The following FOCAD variants were observed in gnomAD, a reference collection of about 807,000 sequenced individuals.
FOCAD encodes the protein focadhesin.
Under a neutral mutation model 225.6 loss-of-function variants are expected in FOCAD, and 198 were observed. The observed-to-expected ratio is 0.88, with a 90% confidence interval of 0.78 to 0.99. The LOEUF (loss-of-function observed/expected upper bound fraction) is 0.99. FOCAD is among the 50% of genes least tolerant of loss of function. The probability of loss-of-function intolerance (pLI) is 0.00; values close to 1 mark genes in which losing one functional copy is unlikely to be tolerated. For synonymous variants in FOCAD, 897 were observed against 755.0 expected, an observed-to-expected ratio of 1.19 and a Z score of -3.08; for missense variants, 2,713 against 2,123.6, an observed-to-expected ratio of 1.28 and a Z score of -5.46.
chr9:20,896,549 C>T (rs1299871610), intron 21 of FOCAD, among the ~76,000 whole-genome samples: 1 of 151,732 alleles, frequency 6.6e-6, no homozygotes, highest in South Asian at 2.1e-4. Flanking sequence ...TAGATACAGG[C>T]CTATTCAAAT....
intron 9 of FOCAD, among the ~76,000 whole-genome samples, chr9:20,781,407 G>A (rs1819347105): frequency 6.6e-6 from 1 of 152,178 alleles, no homozygotes; most frequent in Admixed American, 6.5e-5. Context: ...TGGTCTCTTA[G>A]CTCTGTTTGC....
intron 11 of FOCAD, among the ~76,000 whole-genome samples, chr9:20,805,755 G>A (rs1822371473): frequency 6.6e-6 from 1 of 152,126 alleles, no homozygotes; most frequent in Non-Finnish European, 1.5e-5. Flanking sequence ...ATGGGGGTTG[G>A]GAAGACGAAG....
upstream of FOCAD, among the ~76,000 whole-genome samples, chr9:20,682,148 TCCAAATC>T (rs554361383): frequency 7.9e-5 from 12 of 152,234 alleles, no homozygotes; most frequent in Non-Finnish European, 1.8e-4. Context: ...CTCACCATAT[TCCAAATC>T]TGCTGGCACC....
In FOCAD at chr9:20,946,766, A is replaced by G. The variant is rs554590726; in HGVS notation, c.3621A>G (p.Thr1207=). ...TCAGTGCTGGAATTATTGAGGCTAC[A>G]GAGGCTGAGGATGTTATGAACAAGC... ...SAFSAGIIEA[T]EAEDVMNKLR... The change falls in exon 30 of 44, where the codon ACA becomes ACG. Residue 1207 remains threonine (T), a synonymous_variant. Transcript: ENST00000338382. 12 of 1,613,882 alleles carry G rather than the reference A, an allele frequency of 7.4e-6. No homozygotes were observed. The highest frequency in any genetic ancestry group is 3.3e-4 in the Middle Eastern group (2 of 6,060).
chr9:20,866,973 T>C lies in FOCAD; in HGVS notation c.2151T>C (p.Phe717=), dbSNP rs997288158. ...ANAAYRSLAN[F]SAGEHTILHL... Reference sequence around the variant, plus strand: ...CTGCATATAGATCCCTGGCCAACTTTAGTGCAGGAGAACACACCATTCTTC... The same window carrying C: ...CTGCATATAGATCCCTGGCCAACTTCAGTGCAGGAGAACACACCATTCTTC... Residue 717 remains phenylalanine, a synonymous_variant, in exon 18 of 44, where the codon TTT becomes TTC. Transcript: ENST00000338382. 20 of 1,534,364 alleles carry C rather than the reference T, an allele frequency of 1.3e-5. No individual in the cohort carries two copies. Among genetic ancestry groups the C allele is most frequent in the Non-Finnish European group, 1.8e-5 (20 of 1,129,914 alleles).
chr9:20,719,411 T>C (rs1236311529), intron 3 of FOCAD, among the ~76,000 whole-genome samples: 1 of 152,218 alleles, frequency 6.6e-6, no homozygotes, highest in African/African-American at 2.4e-5. Context: ...TTAATAGTTA[T>C]TCTTTGGGAG....
chr9:20,801,944 C>T (rs1821886978), intron 11 of FOCAD, among the ~76,000 whole-genome samples: 1 of 152,242 alleles, frequency 6.6e-6, no homozygotes, highest in African/African-American at 2.4e-5. Flanking sequence ...CTGTTGAGCA[C>T]ACAGTGCTTC....
chr9:20,962,733 A>C (rs551890891), intron 35 of FOCAD, among the ~76,000 whole-genome samples: 2 of 152,212 alleles, frequency 1.3e-5, no homozygotes, highest in Non-Finnish European at 2.9e-5. Flanking sequence ...GAGGCTGTCA[A>C]CTGGATGAGA....
At chr9:20,693,891 A>T (rs1442550502) in intron 1 of FOCAD, among the ~76,000 whole-genome samples, 1 of 152,076 alleles carries the variant, frequency 6.6e-6, no homozygotes, top group Non-Finnish European at 1.5e-5. Context: ...CTGTATTTTT[A>T]GTACAGATGG....
In FOCAD at chr9:20,930,621, A is replaced by AGG. The variant is rs35842884; in HGVS notation, c.3317+1025_3317+1026insGG. ...TTCTTCACAAACACAAGTATGTGAA[A>AGG]CTTTTATGTGAATTGCTATTGATTT... On this transcript the variant is annotated intron_variant, in intron 27 of 43. Transcript: ENST00000338382. Among the ~76,000 whole-genome samples, 1,318 of 152,322 alleles carry AGG rather than the reference A, an allele frequency of 8.7e-3. 55 individuals are homozygous for AGG. Among genetic ancestry groups the AGG allele is most frequent in the Admixed American group, 0.08 (1,225 of 15,304 alleles).
chr9:20,695,205 A>G (rs1823263004), intron 1 of FOCAD, among the ~76,000 whole-genome samples: 1 of 151,958 alleles, frequency 6.6e-6, no homozygotes, highest in East Asian at 1.9e-4. Flanking sequence ...ATTTTTTTTT[A>G]GGTAAGAGTA....
chr9:20,891,005 C>T (rs1831567026), intron 21 of FOCAD, among the ~76,000 whole-genome samples: 1 of 152,004 alleles, frequency 6.6e-6, no homozygotes, highest in African/African-American at 2.4e-5. Flanking sequence ...TTTCCAATAC[C>T]ATATGCTTAC....
intron 8 of FOCAD, among the ~76,000 whole-genome samples, chr9:20,773,126 C>G (rs1818401599): frequency 6.6e-6 from 1 of 152,038 alleles, no homozygotes; most frequent in African/African-American, 2.4e-5. Context: ...TTAGTAGATT[C>G]ATGTGAGTAG....
At chr9:20,793,116 A>G (rs1206801739) in intron 11 of FOCAD, among the ~76,000 whole-genome samples, 1 of 152,214 alleles carries the variant, frequency 6.6e-6, no homozygotes, top group African/African-American at 2.4e-5. Context: ...AAGAAGCCAG[A>G]ATGTACAGTA....
Position 20,740,260 on chromosome 9 carries a change from C to G in FOCAD, c.312C>G (p.Ala104=), listed in dbSNP as rs766698145. The part of the protein sequence containing the change: ...STRNTHGLIK[A]IMHLLQMQAL... ...GAAATACACATGGCTTGATAAAAGC[C>G]ATTATGCACTTACTACAAATGCAAG... Residue 104 remains alanine (A), a synonymous_variant, in exon 5 of 44, where the codon GCC becomes GCG. Transcript: ENST00000338382. 3.7e-6 allele frequency: 6 copies of G among 1,609,664 alleles called. No homozygotes were observed. The South Asian group carries it at 6.6e-5, about 18-fold the overall frequency.
chr9:20,944,555 A>G, intron 28 of FOCAD, 72 bp from the exon 29 acceptor site: 2 of 1,531,620 alleles, frequency 1.3e-6, no homozygotes, highest in Non-Finnish European at 1.8e-6. Flanking sequence ...CTCTGTAAAC[A>G]CCCGTGGTAA....
chr9:20,791,504 A>C lies in FOCAD; in HGVS notation c.1455+1896A>C, dbSNP rs938417547. Among the ~76,000 whole-genome samples, 9 of 152,194 alleles carry C rather than the reference A, an allele frequency of 5.9e-5. 1 individual carries two copies. In the South Asian group the frequency reaches 1.9e-3, roughly 32 times the overall value. On this transcript the variant is annotated intron_variant, in intron 11 of 43. Coordinates refer to ENST00000338382, the MANE Select transcript of FOCAD (RefSeq NM_001375567.1). ...TGTGTGCATGTTGGGAACATTCAAA[A>C]TCCTTTCTTCTAGTTTTTATTACCT... is the stretch of plus-strand genomic sequence containing the variant.
chr9:20,862,637 A>G lies in FOCAD; in HGVS notation c.1980A>G (p.Arg660=). ...CTCCAAAGCTGAGTTGTGACACAAG[A>G]CCTCTCATTCTGAAGACACTGAGTG... The part of the protein sequence containing the change: ...ALSPKLSCDT[R]PLILKTLSEL... The change falls in exon 16 of 44, where the codon AGA becomes AGG. Residue 660 remains arginine (R), a synonymous_variant. Coordinates refer to ENST00000338382, the MANE Select transcript of FOCAD (RefSeq NM_001375567.1). The G allele has an allele frequency of 6.2e-7, 1 of 1,613,566 alleles. No individual in the cohort carries two copies. The highest frequency in any genetic ancestry group is 1.1e-5 in the South Asian group (1 of 91,018).
At chr9:20,963,118 C>CAA (rs929183886) in intron 35 of FOCAD, among the ~76,000 whole-genome samples, 1 of 152,162 alleles carries the variant, frequency 6.6e-6, no homozygotes, top group Non-Finnish European at 1.5e-5. Flanking sequence ...CAGTTCCCTA[C>CAA]AAATAGTGGA....
Sources: allele counts gnomAD v4.1 joint callset (sites outside exome capture counted in the v4.1 genomes callset), GRCh38; gene constraint gnomAD v4.1.1; transcripts MANE v1.5; gene names NCBI Gene and HGNC (gene_info 2026-07-23, HGNC 2026-07-21).